ZNFX1: variants seen among roughly 807,000 people sequenced by gnomAD.
The protein encoded by ZNFX1 is zinc finger NFX1-type containing 1.
In ZNFX1, 78 loss-of-function variants were observed where a neutral mutation model predicts 179.8. The observed-to-expected ratio is 0.43, with a 90% CI of 0.36 to 0.52. The LOEUF (loss-of-function observed/expected upper bound fraction) is 0.52. Ranked by LOEUF, ZNFX1 falls within the 20% of genes least tolerant of loss-of-function variation. The pLI is 0.00. For missense variants in ZNFX1, 1,927 were observed against 2,386.6 expected, an observed-to-expected ratio of 0.81 and a Z score of 4.01; for synonymous variants, 848 against 868.5, an observed-to-expected ratio of 0.98 and a Z score of 0.42.
chr20:49,251,893 A>C (rs952678410), intron 12 of ZNFX1, among the ~76,000 whole-genome samples: 2 of 149,612 alleles, frequency 1.3e-5, no homozygotes, highest in Non-Finnish European at 3.0e-5. Context: ...GCAGTGGCGC[A>C]ATCTCAGCTC....
Position 49,257,640 on chromosome 20 carries a change from T to C in ZNFX1, c.2441A>G (p.Glu814Gly), listed in dbSNP as rs1180257333. 4.3e-6 allele frequency: 7 copies of C among 1,613,064 alleles called. No homozygotes were observed. In the African/African-American group the frequency reaches 8.1e-5, roughly 19 times the overall value. Reference sequence around the variant, plus strand: ...CAGCGAACTCTCCTCCTCCCCTTCTTCCTCCTCATCCCCTTCTGCCTGGGC... The same window carrying C: ...CAGCGAACTCTCCTCCTCCCCTTCTCCCTCCTCATCCCCTTCTGCCTGGGC... ...NTAQAEGDEE[E>G]EGEEESSLIE... Residue 814 changes from glutamate (E) to glycine (G), a missense_variant, in exon 8 of 14, where the codon GAA (glutamate) becomes GGA (glycine). Coordinates refer to ENST00000396105, the MANE Select transcript of ZNFX1 (RefSeq NM_021035.3).
intron 9 of ZNFX1, 24 bp from the exon 10 acceptor site, chr20:49,254,673 A>G (rs1195601547): frequency 1.2e-6 from 2 of 1,609,620 alleles, no homozygotes; most frequent in South Asian, 1.1e-5. Context: ...AGAACCAAGG[A>G]AAGAAAGCCA....
At chr20:49,265,769 C>G (rs1290036945) in intron 4 of ZNFX1, among the ~76,000 whole-genome samples, 2 of 151,900 alleles carry the variant, frequency 1.3e-5, no homozygotes, top group African/African-American at 4.8e-5. Flanking sequence ...AGAAAAAGTC[C>G]ACCTGAGAAG....
chr20:49,263,250 A>G, intron 6 of ZNFX1, 84 bp downstream of exon 6: 1 of 1,492,602 alleles, frequency 6.7e-7, no homozygotes, highest in South Asian at 1.3e-5. Context: ...AAACAGGTAA[A>G]GTTTTGGACT....
chr20:49,249,806 CAGAG>C, intron 13 of ZNFX1, 95 bp from the exon 14 acceptor site: 1 of 1,363,748 alleles, frequency 7.3e-7, no homozygotes, highest in Non-Finnish European at 1.0e-6. Flanking sequence ...TACTCTGCTC[CAGAG>C]AGAGACCTTG....
chr20:49,266,264 T>G lies in ZNFX1; in HGVS notation c.1873A>C (p.Lys625Gln). ...ACAATTTTTAGACCCACATAGGTTT[T>G]GCCTAGAAAATAAGGAAAAAGGAAT... ...AIIQGPPGTG[K>Q]TYVGLKIVQA... The change falls in exon 4 of 14, where the codon AAA becomes CAA. Residue 625 changes from lysine (K) to glutamine (Q), a missense_variant and splice_region_variant. Physicochemically the swap from Lys to Gln is moderately conservative, Grantham distance 53. Coordinates refer to ENST00000396105, the MANE Select transcript of ZNFX1 (RefSeq NM_021035.3). The G allele has an allele frequency of 1.9e-6, 3 of 1,585,616 alleles. No individual in the cohort carries two copies. The highest frequency in any genetic ancestry group is 2.6e-6 in the Non-Finnish European group (3 of 1,169,956).
rs193250560 is a variant in ZNFX1 at position 49,261,938 on chromosome 20, G to A, written c.2302-1361C>T. ...TGGGATTACAGGCGTGAGCCACTGC[G>A]CGCTTGGCCTCATGACACAAGTTTA... On this transcript the variant is annotated intron_variant, in intron 6 of 13. Transcript: ENST00000396105. Among the ~76,000 whole-genome samples, 144 of 151,438 alleles carry A rather than the reference G, an allele frequency of 9.5e-4. 2 individuals are homozygous for A. In the Middle Eastern group the frequency reaches 0.017, roughly 18 times the overall value.
chr20:49,272,212 C>T (rs1981428084), intron 2 of ZNFX1, among the ~76,000 whole-genome samples: 1 of 144,034 alleles, frequency 6.9e-6, no homozygotes, highest in Non-Finnish European at 1.5e-5. Context: ...GAATCTTGCT[C>T]TGTCTCCCAG....
At chr20:49,273,854 C>G (rs903278327) in intron 2 of ZNFX1, among the ~76,000 whole-genome samples, 1 of 152,034 alleles carries the variant, frequency 6.6e-6, no homozygotes, top group Non-Finnish European at 1.5e-5. Context: ...TGCTTGAGCC[C>G]GGGAGGTCGG....
intron 2 of ZNFX1, among the ~76,000 whole-genome samples, chr20:49,273,931 A>G (rs905022025): frequency 1.2e-4 from 18 of 152,362 alleles, no homozygotes; most frequent in African/African-American, 4.1e-4. Flanking sequence ...CCCTGTCTCA[A>G]AACAAAAAAC....
chr20:49,247,839 T>C lies in ZNFX1; in HGVS notation c.5185A>G (p.Arg1729Gly), dbSNP rs1305734848. The change falls in exon 14 of 14, where the codon AGA becomes GGA. Residue 1729 changes from arginine (R) to glycine (G), a missense_variant. By Grantham distance (125) the Arg-to-Gly change is moderately radical. Transcript: ENST00000396105. Reference protein sequence around the residue: ...LKKMHVLEEKRVRTRLEQVHE... With the variant: ...LKKMHVLEEKGVRTRLEQVHE... The stretch of plus-strand genomic sequence containing the variant: ...ACCTGTTCTAGTCGAGTCCTCACTC[T>C]TTTCTCTTCTAAGACATGCATCTTT... The C allele has an allele frequency of 4.3e-6, 7 of 1,614,168 alleles. No homozygotes were observed. The highest frequency in any genetic ancestry group is 5.9e-6 in the Non-Finnish European group (7 of 1,180,018).
intron 8 of ZNFX1, among the ~76,000 whole-genome samples, chr20:49,256,589 G>C (rs998830977): frequency 6.6e-6 from 1 of 152,190 alleles, no homozygotes; most frequent in African/African-American, 2.4e-5. Context: ...TAGAAGGCTC[G>C]CAAGTCAGAC....
chr20:49,257,956 C>A lies in ZNFX1; in HGVS notation c.2417-292G>T, dbSNP rs922692209. Among the ~76,000 whole-genome samples, 3 of 151,904 alleles carry A rather than the reference C, an allele frequency of 2.0e-5. No individual in the cohort carries two copies. In the East Asian group the frequency reaches 5.8e-4, roughly 29 times the overall value. ...CTCGAACTCCTGACCTCGTGATCTGCCCGCCTTGGCTTCCCAAAGTGCTGG... is the reference window on the plus strand; with the variant it reads ...CTCGAACTCCTGACCTCGTGATCTGACCGCCTTGGCTTCCCAAAGTGCTGG... On this transcript the variant is annotated intron_variant, in intron 7 of 13. Transcript: ENST00000396105.
In ZNFX1 at chr20:49,270,060, G is replaced by C; in HGVS notation, c.1752C>G (p.Val584=). Residue 584 remains valine (V), a synonymous_variant, in exon 3 of 14, where the codon GTC becomes GTG. Coordinates refer to ENST00000396105, the MANE Select transcript of ZNFX1 (RefSeq NM_021035.3). This position sits in a 1 kb window ranked among gnomAD's most constrained non-coding sequence, Gnocchi z 4.6. ...TTGAGGGCCACTGGCCAGGATCTAAGACATTAATTCTGGGATGTCTCAAAC... is the reference window on the plus strand; with the variant it reads ...TTGAGGGCCACTGGCCAGGATCTAACACATTAATTCTGGGATGTCTCAAAC... ...VEGLRHPRIN[V]LDPGQWPSKE... is the part of the protein sequence containing the mutation. 1.2e-6 allele frequency: 2 copies of C among 1,614,234 alleles called. No individual in the cohort carries two copies. The highest frequency in any genetic ancestry group is 1.7e-6 in the Non-Finnish European group (2 of 1,180,038).
At chr20:49,252,370 G>C (rs919341863) in intron 12 of ZNFX1, among the ~76,000 whole-genome samples, 29 of 150,878 alleles carry the variant, frequency 1.9e-4, no homozygotes, top group Admixed American at 1.9e-3. Flanking sequence ...TCGAACTCCT[G>C]ACCTCAGGTG....
chr20:49,272,889 A>C (rs933170135), intron 2 of ZNFX1, among the ~76,000 whole-genome samples: 1 of 152,204 alleles, frequency 6.6e-6, no homozygotes, highest in Non-Finnish European at 1.5e-5. Context: ...TAACATACCC[A>C]AAGTCCAGTT....
Position 49,248,808 on chromosome 20 carries a change from G to GTT in ZNFX1, c.4214_4215dup (p.Leu1406AsnfsTer10), listed in dbSNP as rs1267328151. ...ACCGGTTGACTGTGCCCACACTTGA[G>GTT]TTTTATGGTGACCATTTCTGAACAC... On this transcript the variant is annotated frameshift_variant, in exon 14 of 14. Transcript: ENST00000396105. LOFTEE classifies it high-confidence loss of function. This position sits in a 1 kb window ranked among gnomAD's most constrained non-coding sequence, Gnocchi z 4.6. 1 of 1,613,294 alleles carries GTT rather than the reference G, an allele frequency of 6.2e-7. No homozygotes were observed. Among genetic ancestry groups the GTT allele is most frequent in the African/African-American group, 1.3e-5 (1 of 74,920 alleles).
intron 5 of ZNFX1, among the ~76,000 whole-genome samples, chr20:49,264,019 C>T (rs559590266): frequency 3.3e-5 from 5 of 152,262 alleles, no homozygotes; most frequent in African/African-American, 9.6e-5. Flanking sequence ...GTCAAGAGAT[C>T]GAGACCAGCC....
chr20:49,255,990 C>G lies in ZNFX1; in HGVS notation c.2665-43G>C, dbSNP rs564459370. On this transcript the variant is annotated intron_variant, in intron 8 of 13. Coordinates refer to ENST00000396105, the MANE Select transcript of ZNFX1 (RefSeq NM_021035.3). Reference sequence around the variant, plus strand: ...AGGCAGGGTACTGTCTGAGCAGAGGCAGGCTTGGTTTTAAGCCCAAGGCAG... The same window carrying G: ...AGGCAGGGTACTGTCTGAGCAGAGGGAGGCTTGGTTTTAAGCCCAAGGCAG... 5 of 1,603,706 alleles carry G rather than the reference C, an allele frequency of 3.1e-6. No homozygotes were observed. The East Asian group carries it at 1.1e-4, about 36-fold the overall frequency.
Sources: gnomAD v4.1 joint callset for allele counts (sites outside exome capture counted in the v4.1 genomes callset) on GRCh38, gnomAD v4.1.1 for gene constraint, Gnocchi (gnomAD v3.1) non-coding constraint, MANE v1.5 for transcripts, NCBI Gene and HGNC (gene_info 2026-07-23, HGNC 2026-07-21) for gene names.